UBE4B: variants seen among roughly 807,000 people sequenced by gnomAD.
The protein encoded by UBE4B is ubiquitin conjugation factor E4 B.
A neutral mutation model predicts 148.1 loss-of-function variants in UBE4B; 27 were observed. That is an observed-to-expected ratio of 0.18 (90% CI 0.13 to 0.25). UBE4B has a LOEUF of 0.25. Among genes scored for constraint, UBE4B ranks in the 10% least tolerant of loss-of-function variants. UBE4B has a pLI of 1.00. For synonymous variants in UBE4B, 596 were observed against 619.3 expected (o/e 0.96, Z 0.56); for missense variants, 1,170 against 1,662.4 (o/e 0.70, Z 5.15).
intron 27 of UBE4B, 59 bp from the exon 28 acceptor site, chr1:10,179,836 C>T: frequency 1.3e-6 from 2 of 1,593,260 alleles, no homozygotes; most frequent in Non-Finnish European, 1.7e-6. Context: ...GACAAGCATC[C>T]TCTCTCAGGA....
intron 1 of UBE4B, among the ~76,000 whole-genome samples, chr1:10,061,962 T>A (rs1260635206): frequency 1.3e-5 from 2 of 150,252 alleles, no homozygotes; most frequent in Non-Finnish European, 3.0e-5. Context: ...CAGGCTGGAG[T>A]GCAGTGGCGC....
At chr1:10,113,754 A>G (rs1426783718) in intron 7 of UBE4B, among the ~76,000 whole-genome samples, 1 of 151,994 alleles carries the variant, frequency 6.6e-6, no homozygotes, top group African/African-American at 2.4e-5. Context: ...GCTGGCAAGG[A>G]CCTATTGACA....
chr1:10,144,733 TAAA>T (rs765648505), intron 17 of UBE4B, among the ~76,000 whole-genome samples: 3 of 136,046 alleles, frequency 2.2e-5, no homozygotes, highest in Non-Finnish European at 1.6e-5. Flanking sequence ...GACTCTGTCT[TAAA>T]AAAAAAAAAA....
intron 2 of UBE4B, among the ~76,000 whole-genome samples, chr1:10,077,527 C>G (rs1644604955): frequency 6.6e-6 from 1 of 152,184 alleles, no homozygotes; most frequent in Admixed American, 6.5e-5. Context: ...GTTGCTCATC[C>G]CCTTACCCCC....
intron 1 of UBE4B, among the ~76,000 whole-genome samples, chr1:10,066,511 CATT>C (rs889658753): frequency 1.3e-5 from 2 of 151,850 alleles, no homozygotes; most frequent in Non-Finnish European, 2.9e-5. Context: ...TTTGGAGAAA[CATT>C]GTTGGGCTTA....
At chr1:10,066,004 A>G (rs1160495555) in intron 1 of UBE4B, among the ~76,000 whole-genome samples, 1 of 151,688 alleles carries the variant, frequency 6.6e-6, no homozygotes, top group Non-Finnish European at 1.5e-5. Context: ...CGAAGTGAAT[A>G]TAACATATAT....
At chr1:10,151,273 T>C in intron 20 of UBE4B, 53 bp from the exon 21 acceptor site, 6 of 1,561,134 alleles carry the variant, frequency 3.8e-6, no homozygotes, top group Non-Finnish European at 5.3e-6. Context: ...CCAAGATGAG[T>C]TTCTCAGCAG....
At chr1:10,066,895 G>A (rs1342478945) in intron 1 of UBE4B, among the ~76,000 whole-genome samples, 1 of 152,010 alleles carries the variant, frequency 6.6e-6, no homozygotes, top group Non-Finnish European at 1.5e-5. Context: ...GACAGAGCAA[G>A]ACTCCGTCTC....
intron 3 of UBE4B, among the ~76,000 whole-genome samples, chr1:10,098,441 G>A (rs1644962411): frequency 6.6e-6 from 1 of 152,098 alleles, no homozygotes; most frequent in East Asian, 1.9e-4. Flanking sequence ...TATTCCACAG[G>A]CTCCCCAGAA....
At chr1:10,107,012 AAGCAGTATC>A (rs1349390743) in intron 7 of UBE4B, among the ~76,000 whole-genome samples, 9 of 152,152 alleles carry the variant, frequency 5.9e-5, no homozygotes, top group African/African-American at 2.2e-4. Flanking sequence ...TCTTAGAAGG[AAGCAGTATC>A]AGAATTCCAC....
chr1:10,045,831 G>C (rs1482226630), intron 1 of UBE4B, among the ~76,000 whole-genome samples: 1 of 152,198 alleles, frequency 6.6e-6, no homozygotes, highest in East Asian at 1.9e-4. Flanking sequence ...TGGGTAGTGA[G>C]TTGCATGTGG....
At chr1:10,057,086 A>G (rs542270502) in intron 1 of UBE4B, among the ~76,000 whole-genome samples, 25 of 151,952 alleles carry the variant, frequency 1.6e-4, no homozygotes, top group Admixed American at 5.9e-4. Flanking sequence ...TGCTGGGATT[A>G]CAGGTGTGAG....
intron 11 of UBE4B, among the ~76,000 whole-genome samples, chr1:10,127,357 C>T (rs1645519413): frequency 6.6e-6 from 1 of 152,120 alleles, no homozygotes; most frequent in Non-Finnish European, 1.5e-5. Flanking sequence ...GTCATATTTA[C>T]TTGGGAAGTA....
chr1:10,106,119 A>T lies in UBE4B; in HGVS notation c.810-78A>T. Reference sequence around the variant, plus strand: ...GAAATGATTCTCCTTTAAAAGCTTGATATTTTCTGTTTTAGTTAGTTATCT... The same window carrying T: ...GAAATGATTCTCCTTTAAAAGCTTGTTATTTTCTGTTTTAGTTAGTTATCT... On this transcript the variant is annotated intron_variant, in intron 6 of 27. Transcript: ENST00000343090. This position sits in a 1 kb window ranked among gnomAD's most constrained non-coding sequence, Gnocchi z 4.2. 1 of 1,458,580 alleles carries T rather than the reference A, an allele frequency of 6.9e-7. No individual in the cohort carries two copies. 90.4% of individuals were successfully genotyped at this position (1,458,580 alleles called of 1,614,324 possible).
chr1:10,151,171 A>G (rs563895335), intron 20 of UBE4B, among the ~76,000 whole-genome samples, 155 bp from the exon 21 acceptor site: 1 of 152,052 alleles, frequency 6.6e-6, no homozygotes, highest in African/African-American at 2.4e-5. Context: ...TCAAAAAAAA[A>G]AAAAAGTCAC....
At chr1:10,038,411 C>T (rs1643626153) in intron 1 of UBE4B, among the ~76,000 whole-genome samples, 1 of 152,164 alleles carries the variant, frequency 6.6e-6, no homozygotes, top group Non-Finnish European at 1.5e-5. Flanking sequence ...CCTTAGGAGC[C>T]TCTTCTGTGC....
chr1:10,175,723 A>G (rs1646419532), intron 25 of UBE4B, among the ~76,000 whole-genome samples: 1 of 152,178 alleles, frequency 6.6e-6, no homozygotes, highest in Non-Finnish European at 1.5e-5. Context: ...CACTTCCCCC[A>G]TGCAGTCAGT....
chr1:10,126,423 A>C, intron 10 of UBE4B, among the ~76,000 whole-genome samples: 1 of 152,258 alleles, frequency 6.6e-6, no homozygotes, highest in Non-Finnish European at 1.5e-5. Flanking sequence ...AATCAAGAAC[A>C]TATTAGTTGC....
chr1:10,058,256 A>G (rs1206004694), intron 1 of UBE4B, among the ~76,000 whole-genome samples: 3 of 152,210 alleles, frequency 2.0e-5, no homozygotes, highest in African/African-American at 7.2e-5. Context: ...TTGAGTAAAC[A>G]TTTTTTGAGT....
Sources: gnomAD v4.1 joint callset for allele counts (sites outside exome capture counted in the v4.1 genomes callset) on GRCh38, gnomAD v4.1.1 for gene constraint, Gnocchi (gnomAD v3.1) non-coding constraint, MANE v1.5 for transcripts, NCBI Gene and HGNC (gene_info 2026-07-23, HGNC 2026-07-21) for gene names.